MED12L: variants seen among roughly 807,000 people sequenced by gnomAD.
The protein encoded by MED12L is mediator of RNA polymerase II transcription subunit 12-like protein.
A neutral mutation model predicts 281.3 loss-of-function variants in MED12L; 60 were observed. The observed-to-expected ratio is 0.21, with a 90% CI of 0.17 to 0.26. The LOEUF (loss-of-function observed/expected upper bound fraction) is 0.26, where lower values mean the gene tolerates loss of function less well. MED12L is among the 10% of genes least tolerant of loss of function. The pLI is 1.00. For synonymous variants in MED12L, 974 were observed against 987.2 expected (o/e 0.99, Z 0.25); for missense variants, 2,146 against 2,680.9 (o/e 0.80, Z 4.41).
chr3:151,363,063 G>A (rs988293865), intron 21 of MED12L, among the ~76,000 whole-genome samples: 1 of 151,994 alleles, frequency 6.6e-6, no homozygotes, highest in African/African-American at 2.4e-5. Flanking sequence ...GTGCAAATAG[G>A]TTAAATGAGG....
At chr3:151,377,229 C>T (rs745759214) in intron 30 of MED12L, 51 bp downstream of exon 30, 59 of 1,497,664 alleles carry the variant, frequency 3.9e-5, no homozygotes, top group South Asian at 1.4e-4. Context: ...TCACAAGTAA[C>T]GGTAAATTTT....
At chr3:151,374,407 G>A (rs961676797) in intron 27 of MED12L, among the ~76,000 whole-genome samples, 1 of 152,246 alleles carries the variant, frequency 6.6e-6, no homozygotes, top group East Asian at 1.9e-4. Flanking sequence ...AATTAGCCAG[G>A]TGTGGTGGCA....
chr3:151,328,362 C>T, intron 16 of MED12L: 1 of 1,611,346 alleles, frequency 6.2e-7, no homozygotes, highest in Non-Finnish European at 8.5e-7. Flanking sequence ...ACTTTTTTTG[C>T]AATAACCACA....
chr3:151,244,603 G>A (rs1734950574), intron 16 of MED12L, among the ~76,000 whole-genome samples: 1 of 151,224 alleles, frequency 6.6e-6, no homozygotes, highest in East Asian at 1.9e-4. Flanking sequence ...GAATCTCTGG[G>A]ACGCATTCAA....
At chr3:151,291,248 C>T (rs1280224332) in intron 16 of MED12L, among the ~76,000 whole-genome samples, 4 of 150,060 alleles carry the variant, frequency 2.7e-5, no homozygotes, top group Non-Finnish European at 5.9e-5. Flanking sequence ...TATTTATTCT[C>T]GTTTGCATGT....
intron 29 of MED12L, 28 bp from the exon 30 acceptor site, chr3:151,376,963 G>A: frequency 1.9e-6 from 3 of 1,610,802 alleles, no homozygotes; most frequent in Non-Finnish European, 2.5e-6. Context: ...ATACACATAT[G>A]TGCCAGTATT....
intron 17 of MED12L, among the ~76,000 whole-genome samples, chr3:151,353,855 G>T (rs1175819146): frequency 6.6e-6 from 1 of 152,164 alleles, no homozygotes; most frequent in African/African-American, 2.4e-5. Flanking sequence ...TAGAATCACA[G>T]TGCTGGCCGG....
chr3:151,237,355 T>TC (rs1553753099), intron 16 of MED12L, among the ~76,000 whole-genome samples: 1 of 128,838 alleles, frequency 7.8e-6, no homozygotes. Context: ...TTTTTCTTTT[T>TC]TTTTTTTTTT....
chr3:151,250,910 C>T (rs1295166990), intron 16 of MED12L, among the ~76,000 whole-genome samples: 1 of 152,204 alleles, frequency 6.6e-6, no homozygotes, highest in Non-Finnish European at 1.5e-5. Flanking sequence ...TCACTTTCCC[C>T]ACATCCTTGC....
chr3:151,089,933 C>T (rs1400336002), intron 2 of MED12L, among the ~76,000 whole-genome samples: 1 of 152,194 alleles, frequency 6.6e-6, no homozygotes, highest in Non-Finnish European at 1.5e-5. Flanking sequence ...ACATCCTGTT[C>T]AGTTCCAAAA....
intron 16 of MED12L, among the ~76,000 whole-genome samples, chr3:151,254,277 T>A (rs970133982): frequency 3.3e-5 from 5 of 152,230 alleles, no homozygotes; most frequent in Admixed American, 1.3e-4. Flanking sequence ...CTTTACCAGA[T>A]AATTATGTCC....
chr3:151,327,264 T>C (rs896213379), intron 16 of MED12L: 1 of 152,144 alleles, frequency 6.6e-6, no homozygotes, highest in Non-Finnish European at 1.5e-5. Context: ...GTAGGTGCCA[T>C]GTTTAACCAT....
intron 16 of MED12L, among the ~76,000 whole-genome samples, chr3:151,244,865 C>A (rs1352108610): frequency 2.0e-5 from 3 of 152,162 alleles, no homozygotes; most frequent in Non-Finnish European, 2.9e-5. Flanking sequence ...AATTGATAGA[C>A]CGCTAGCAAG....
At chr3:151,229,894 G>T (rs571916379) in intron 16 of MED12L, among the ~76,000 whole-genome samples, 1 of 152,208 alleles carries the variant, frequency 6.6e-6, no homozygotes, top group Admixed American at 6.5e-5. Context: ...TGAAGATGTT[G>T]TTCAAGTTGT....
intron 26 of MED12L, among the ~76,000 whole-genome samples, chr3:151,371,772 T>C (rs1434085382): frequency 6.6e-6 from 1 of 152,198 alleles, no homozygotes; most frequent in African/African-American, 2.4e-5. Context: ...TGGCAATCCT[T>C]ATTTTGAATT....
intron 16 of MED12L, chr3:151,328,789 G>T (rs1055009153): frequency 1.9e-6 from 3 of 1,613,860 alleles, no homozygotes; most frequent in Non-Finnish European, 2.5e-6. Flanking sequence ...TCATTATCAA[G>T]TCGGCCACCA....
intron 16 of MED12L, among the ~76,000 whole-genome samples, chr3:151,209,592 G>A (rs928800809): frequency 6.6e-5 from 10 of 152,120 alleles, no homozygotes; most frequent in Non-Finnish European, 1.5e-4. Context: ...TCACAGTGCT[G>A]CTTACCCGAA....
intron 16 of MED12L, among the ~76,000 whole-genome samples, chr3:151,244,605 C>T (rs529402077): frequency 6.1e-4 from 92 of 151,178 alleles, no homozygotes; most frequent in Admixed American, 1.2e-3. Flanking sequence ...ATCTCTGGGA[C>T]GCATTCAAAG....
chr3:151,299,719 T>TG (rs1370740049), intron 16 of MED12L, among the ~76,000 whole-genome samples: 2 of 152,036 alleles, frequency 1.3e-5, no homozygotes, highest in Non-Finnish European at 2.9e-5. Context: ...TCTGGCCTCT[T>TG]GGGGAACCTC....
Sources: gnomAD v4.1 joint callset for allele counts (sites outside exome capture counted in the v4.1 genomes callset) on GRCh38, gnomAD v4.1.1 for gene constraint, MANE v1.5 for transcripts, NCBI Gene and HGNC (gene_info 2026-07-23, HGNC 2026-07-21) for gene names.